Variants in ITGA8 observed in about 807,000 individuals in gnomAD.
ITGA8 encodes the protein integrin subunit alpha 8.
In ITGA8, 91 loss-of-function variants were observed where a neutral mutation model predicts 142.3. That is an observed-to-expected ratio of 0.64 (90% CI 0.54 to 0.76). ITGA8 has a LOEUF of 0.76. ITGA8 is among the 30% of genes least tolerant of loss of function. The pLI is 0.00. For synonymous variants in ITGA8, 505 were observed against 485.2 expected, an observed-to-expected ratio of 1.04 and a Z score of -0.54; for missense variants, 1,406 against 1,327.7, an observed-to-expected ratio of 1.06 and a Z score of -0.92.
At chr10:15,557,316 G>A (rs1298191309) in intron 26 of ITGA8, among the ~76,000 whole-genome samples, 1 of 152,150 alleles carries the variant, frequency 6.6e-6, no homozygotes, top group East Asian at 1.9e-4. Context: ...AGAAGCAGAG[G>A]TTGCAGTGAG....
At chr10:15,644,475 TATATATATATATATATAGA>T (rs1169362691) in intron 12 of ITGA8, among the ~76,000 whole-genome samples, 2 of 23,718 alleles carry the variant, frequency 8.4e-5, no homozygotes, top group East Asian at 4.1e-3. Context: ...TATATATATA[TATATATATATATATATAGA>T]ATTTTTTTTT....
At position 15,644,240 on chromosome 10, in the gene ITGA8, C is replaced by T. The variant is rs542147284; in HGVS notation, c.1208-19G>A. The T allele has an allele frequency of 1.9e-6, 3 of 1,606,832 alleles. No homozygotes were observed. The African/African-American group carries it at 4.0e-5, about 22-fold the overall frequency. On this transcript the variant is annotated intron_variant, in intron 12 of 29. Transcript: ENST00000378076. Reference sequence around the variant, plus strand: ...GCAATGTCTAAAAACAGACATAAAACATGTTTTATGTGTATATGTATTTAA... The same window carrying T: ...GCAATGTCTAAAAACAGACATAAAATATGTTTTATGTGTATATGTATTTAA...
intron 26 of ITGA8, among the ~76,000 whole-genome samples, chr10:15,557,532 A>G (rs1384515481): frequency 7.2e-5 from 11 of 152,140 alleles, no homozygotes; most frequent in Non-Finnish European, 2.9e-5. Context: ...TTTTTTTAAA[A>G]AGTAGAGGCT....
rs549937807 is a variant in ITGA8 at position 15,615,160 on chromosome 10, G to A, written c.1445+1354C>T. ...AACAAGGCCTTGGCATGAAAGTGGC[G>A]GATTGGAAGCGGAGCAGCTGAGCCC... On this transcript the variant is annotated intron_variant, in intron 14 of 29. Transcript: ENST00000378076. Among the ~76,000 whole-genome samples the A allele has an allele frequency of 5.9e-5, 9 of 152,286 alleles. 1 individual carries two copies. Among genetic ancestry groups the A allele is most frequent in the Middle Eastern group, 3.4e-3 (1 of 294 alleles).
At chr10:15,663,157 C>A (rs1302731222) in intron 8 of ITGA8, among the ~76,000 whole-genome samples, 2 of 152,128 alleles carry the variant, frequency 1.3e-5, no homozygotes, top group African/African-American at 2.4e-5. Context: ...TTCTCATTCC[C>A]TGTTGTCTAA....
chr10:15,551,839 A>G (rs536708842), intron 26 of ITGA8, among the ~76,000 whole-genome samples: 1 of 152,298 alleles, frequency 6.6e-6, no homozygotes, highest in South Asian at 2.1e-4. Context: ...AGGGGGTCAT[A>G]AGATTTGCAA....
At chr10:15,520,941 T>C (rs759725204) in intron 28 of ITGA8, among the ~76,000 whole-genome samples, 4 of 152,196 alleles carry the variant, frequency 2.6e-5, no homozygotes, top group Non-Finnish European at 5.9e-5. Context: ...AGGAAATGTA[T>C]TGGTGTTTTC....
At chr10:15,561,209 C>CTATATATATATATATATATATA (rs529527480) in intron 25 of ITGA8, among the ~76,000 whole-genome samples, 3 of 116,936 alleles carry the variant, frequency 2.6e-5, no homozygotes, top group African/African-American at 7.4e-5. Flanking sequence ...TATCTGTTGG[C>CTATATATATATATATATATATA]TATATATATA....
intron 25 of ITGA8, among the ~76,000 whole-genome samples, chr10:15,566,434 C>T (rs1179802136): frequency 2.0e-5 from 3 of 152,138 alleles, no homozygotes; most frequent in Non-Finnish European, 2.9e-5. Flanking sequence ...ATCGGTCTTC[C>T]TCTCCTAGGT....
At chr10:15,639,210 G>A (rs1393500091) in intron 13 of ITGA8, among the ~76,000 whole-genome samples, 2 of 152,100 alleles carry the variant, frequency 1.3e-5, no homozygotes, top group Non-Finnish European at 2.9e-5. Flanking sequence ...CCACACAGAG[G>A]CAATGTTGGA....
At chr10:15,565,353 G>C (rs1314217177) in intron 25 of ITGA8, among the ~76,000 whole-genome samples, 1 of 150,940 alleles carries the variant, frequency 6.6e-6, no homozygotes, top group African/African-American at 2.5e-5. Context: ...AAACAGCTAA[G>C]TTCTTTTTTG....
intron 12 of ITGA8, among the ~76,000 whole-genome samples, chr10:15,644,489 TATAG>T (rs1564389093): frequency 8.0e-4 from 17 of 21,360 alleles, no homozygotes; most frequent in Non-Finnish European, 1.8e-3. Flanking sequence ...TATATATATA[TATAG>T]AATTTTTTTT....
intron 20 of ITGA8, 143 bp downstream of exon 20, chr10:15,604,065 G>A: frequency 1.4e-6 from 1 of 721,544 alleles, no homozygotes; most frequent in South Asian, 1.8e-5. Context: ...GTGGCTCATT[G>A]CTGTTATGAT....
chr10:15,570,625 A>C (rs905583532), intron 25 of ITGA8, among the ~76,000 whole-genome samples: 4 of 151,480 alleles, frequency 2.6e-5, no homozygotes, highest in African/African-American at 9.7e-5. Flanking sequence ...AAAAAAAAAA[A>C]AAAAAAAAAG....
chr10:15,609,381 G>A (rs1208534466), intron 15 of ITGA8, among the ~76,000 whole-genome samples: 1 of 152,210 alleles, frequency 6.6e-6, no homozygotes, highest in Non-Finnish European at 1.5e-5. Flanking sequence ...TTCAAAGGGA[G>A]TAAATAATCC....
chr10:15,589,280 T>C (rs373373980), intron 22 of ITGA8, among the ~76,000 whole-genome samples: 2 of 152,326 alleles, frequency 1.3e-5, no homozygotes, highest in South Asian at 4.1e-4. Context: ...CTGTGGTCTT[T>C]GGAATGTCAG....
At chr10:15,695,492 C>A (rs1227958527) in intron 2 of ITGA8, among the ~76,000 whole-genome samples, 2 of 152,194 alleles carry the variant, frequency 1.3e-5, no homozygotes, top group Non-Finnish European at 2.9e-5. Flanking sequence ...AAGGTTCTTT[C>A]ATGCCAAATA....
chr10:15,654,175 T>C (rs1006122903), intron 11 of ITGA8, among the ~76,000 whole-genome samples: 1 of 152,214 alleles, frequency 6.6e-6, no homozygotes, highest in Non-Finnish European at 1.5e-5. Flanking sequence ...CATTTCTTTT[T>C]TAGCACTGAA....
intron 27 of ITGA8, among the ~76,000 whole-genome samples, chr10:15,546,161 G>T (rs73598785): frequency 6.6e-6 from 1 of 151,912 alleles, no homozygotes; most frequent in Non-Finnish European, 1.5e-5. Context: ...AGAAGCAGCC[G>T]CACTCCCTAC....
Sources: gnomAD v4.1 joint callset for allele counts (sites outside exome capture counted in the v4.1 genomes callset) on GRCh38, gnomAD v4.1.1 for gene constraint, MANE v1.5 for transcripts, NCBI Gene and HGNC (gene_info 2026-07-23, HGNC 2026-07-21) for gene names.